HHAT: variants seen among roughly 807,000 people sequenced by gnomAD.
HHAT encodes the protein hedgehog acyltransferase.
Under a neutral mutation model 70.8 loss-of-function variants are expected in HHAT, and 47 were observed. The observed-to-expected ratio is 0.66, with a 90% CI of 0.53 to 0.85. The LOEUF (loss-of-function observed/expected upper bound fraction) is 0.85. HHAT is among the 40% of genes least tolerant of loss of function. The probability of loss-of-function intolerance (pLI) is 0.00; values close to 1 mark genes in which losing one functional copy is unlikely to be tolerated. For synonymous variants in HHAT, 228 were observed against 247.6 expected, an observed-to-expected ratio of 0.92 and a Z score of 0.74; for missense variants, 609 against 604.8, an observed-to-expected ratio of 1.01 and a Z score of -0.07.
intron 1 of HHAT, among the ~76,000 whole-genome samples, chr1:210,330,494 C>A (rs2084893932): frequency 6.6e-6 from 1 of 152,142 alleles, no homozygotes; most frequent in Non-Finnish European, 1.5e-5. Flanking sequence ...AACGCCTGTG[C>A]TTTATCTACT....
intron 10 of HHAT, among the ~76,000 whole-genome samples, chr1:210,603,617 C>T (rs898178856): frequency 6.6e-6 from 1 of 152,104 alleles, no homozygotes; most frequent in Non-Finnish European, 1.5e-5. Context: ...TATGCACATA[C>T]TCACTGCAAT....
chr1:210,599,032 A>T (rs534478787), intron 10 of HHAT, among the ~76,000 whole-genome samples: 58 of 152,282 alleles, frequency 3.8e-4, no homozygotes, highest in African/African-American at 1.4e-3. Flanking sequence ...AATACTTGTC[A>T]GAGCTGAGTG....
chr1:210,569,055 C>G (rs1429067332), intron 9 of HHAT, among the ~76,000 whole-genome samples: 1 of 152,000 alleles, frequency 6.6e-6, no homozygotes, highest in Non-Finnish European at 1.5e-5. Context: ...GTGGGAGAAA[C>G]CCCCCACACA....
chr1:210,413,910 T>G (rs2092639905), intron 6 of HHAT, among the ~76,000 whole-genome samples: 1 of 152,196 alleles, frequency 6.6e-6, no homozygotes, highest in African/African-American at 2.4e-5. Context: ...ACCTCCAAAC[T>G]CTTCCAGCTT....
intron 9 of HHAT, among the ~76,000 whole-genome samples, chr1:210,560,297 C>T (rs920304013): frequency 6.6e-6 from 1 of 152,104 alleles, no homozygotes; most frequent in Non-Finnish European, 1.5e-5. Context: ...GTGACTTCCT[C>T]AGAGTCAAAG....
intron 4 of HHAT, among the ~76,000 whole-genome samples, chr1:210,393,552 A>T (rs2091589126): frequency 6.6e-6 from 1 of 152,160 alleles, no homozygotes; most frequent in Non-Finnish European, 1.5e-5. Context: ...TTCTGGTCTC[A>T]GAGCAGGCCT....
chr1:210,373,387 A>C (rs919730067), intron 3 of HHAT, among the ~76,000 whole-genome samples: 2 of 152,144 alleles, frequency 1.3e-5, no homozygotes, highest in African/African-American at 4.8e-5. Flanking sequence ...TAAAAAGGTT[A>C]TTACCTTTTA....
chr1:210,341,722 C>G (rs1371731405), intron 1 of HHAT, among the ~76,000 whole-genome samples: 1 of 152,170 alleles, frequency 6.6e-6, no homozygotes, highest in Non-Finnish European at 1.5e-5. Context: ...AGAAAAAGTT[C>G]TGTGAGCTGA....
chr1:210,449,248 T>TC (rs1235448357), intron 7 of HHAT, among the ~76,000 whole-genome samples: 1 of 149,820 alleles, frequency 6.7e-6, no homozygotes, highest in East Asian at 1.9e-4. Flanking sequence ...TTCTGCCTTT[T>TC]CCCCCCTTAG....
At chr1:210,510,624 T>A (rs1234366331) in intron 8 of HHAT, among the ~76,000 whole-genome samples, 1 of 152,196 alleles carries the variant, frequency 6.6e-6, no homozygotes, top group Non-Finnish European at 1.5e-5. Context: ...GAACCCTGCT[T>A]TTAGCAGGGT....
chr1:210,446,141 T>A (rs1027889058), intron 7 of HHAT, among the ~76,000 whole-genome samples: 2 of 151,950 alleles, frequency 1.3e-5, no homozygotes, highest in African/African-American at 4.8e-5. Context: ...TGGGCGAGGG[T>A]GTGGAACTCT....
intron 9 of HHAT, among the ~76,000 whole-genome samples, chr1:210,582,427 G>A (rs1374920965): frequency 1.3e-5 from 2 of 152,138 alleles, no homozygotes; most frequent in Non-Finnish European, 2.9e-5. Flanking sequence ...GTCTGTCAGT[G>A]TCTGGTGCTT....
chr1:210,584,452 G>T lies in HHAT; in HGVS notation c.1044-3446G>T, dbSNP rs150554766. Among the ~76,000 whole-genome samples the T allele has an allele frequency of 7.5e-3, 1,143 of 152,252 alleles. 11 individuals carry two copies. Among genetic ancestry groups the T allele is most frequent in the Non-Finnish European group, 8.9e-3 (607 of 68,008 alleles). Reference sequence around the variant, plus strand: ...GTAAAGTTAAGGGCAGCCTCATGATGGGCCAGCAGTTACCTCCATGCAGGT... The same window carrying T: ...GTAAAGTTAAGGGCAGCCTCATGATTGGCCAGCAGTTACCTCCATGCAGGT... On this transcript the variant is annotated intron_variant, in intron 9 of 11. Coordinates refer to ENST00000261458, the MANE Select transcript of HHAT (RefSeq NM_018194.6).
intron 11 of HHAT, among the ~76,000 whole-genome samples, chr1:210,653,256 C>T (rs995661375): frequency 1.5e-4 from 23 of 152,180 alleles, no homozygotes; most frequent in African/African-American, 5.5e-4. Context: ...GAAAAGTCAA[C>T]TACCAGCTGG....
chr1:210,544,609 G>A (rs2095466790), intron 9 of HHAT, among the ~76,000 whole-genome samples: 1 of 151,898 alleles, frequency 6.6e-6, no homozygotes, highest in Non-Finnish European at 1.5e-5. Context: ...CTGACTTCAG[G>A]TGATCCGCCC....
chr1:210,633,554 C>T (rs576428089), intron 11 of HHAT, among the ~76,000 whole-genome samples: 1 of 152,332 alleles, frequency 6.6e-6, no homozygotes, highest in South Asian at 2.1e-4. Flanking sequence ...GTGAGTGTCC[C>T]GGATGCACCA....
At chr1:210,464,075 A>G (rs2094041369) in intron 7 of HHAT, among the ~76,000 whole-genome samples, 1 of 152,054 alleles carries the variant, frequency 6.6e-6, no homozygotes, top group African/African-American at 2.4e-5. Context: ...TCTTCTAGTT[A>G]TTTTAAAATG....
At chr1:210,446,281 T>A (rs1426230386) in intron 7 of HHAT, among the ~76,000 whole-genome samples, 3 of 152,190 alleles carry the variant, frequency 2.0e-5, no homozygotes. Flanking sequence ...CTTATATATA[T>A]GAGTTTTTAG....
chr1:210,603,117 G>T (rs1269351727), intron 10 of HHAT, among the ~76,000 whole-genome samples: 1 of 152,182 alleles, frequency 6.6e-6, no homozygotes, highest in Non-Finnish European at 1.5e-5. Flanking sequence ...TGCTGCCTTT[G>T]CTCGGCTGCT....
Sources: allele counts gnomAD v4.1 joint callset (sites outside exome capture counted in the v4.1 genomes callset), GRCh38; gene constraint gnomAD v4.1.1; transcripts MANE v1.5; gene names NCBI Gene and HGNC (gene_info 2026-07-23, HGNC 2026-07-21).